Variants in NRF1 observed in about 807,000 individuals in gnomAD.
The protein encoded by NRF1 is alpha palindromic-binding protein.
A neutral mutation model predicts 58.5 loss-of-function variants in NRF1; 5 were observed. The ratio of observed to expected loss-of-function variants is 0.09; its 90% CI spans 0.04 to 0.18. The LOEUF (loss-of-function observed/expected upper bound fraction) is 0.18, where lower values mean the gene tolerates loss of function less well. NRF1 is among the 10% of genes least tolerant of loss of function. NRF1 has a pLI of 1.00. For missense variants in NRF1, 288 were observed against 657.7 expected, an observed-to-expected ratio of 0.44 and a Z score of 6.15; for synonymous variants, 224 against 246.7, an observed-to-expected ratio of 0.91 and a Z score of 0.86.
At chr7:129,696,073 A>AC (rs1315213291) in intron 5 of NRF1, among the ~76,000 whole-genome samples, 2 of 140,762 alleles carry the variant, frequency 1.4e-5, no homozygotes, top group Non-Finnish European at 3.1e-5. Flanking sequence ...AAAAAAAAAA[A>AC]AAAAAAAAAA....
chr7:129,641,189 C>A (rs980779304), intron 1 of NRF1, among the ~76,000 whole-genome samples: 2 of 152,186 alleles, frequency 1.3e-5, no homozygotes, highest in Admixed American at 1.3e-4. Flanking sequence ...GATTTATCAA[C>A]TTTAGATGAT....
intron 8 of NRF1, among the ~76,000 whole-genome samples, chr7:129,715,143 A>G (rs1222207063): frequency 2.0e-5 from 3 of 152,240 alleles, no homozygotes; most frequent in Non-Finnish European, 4.4e-5. Flanking sequence ...CTAAGTCTCT[A>G]AACACAGAGA....
At chr7:129,654,299 C>T (rs1282803721) in intron 1 of NRF1, among the ~76,000 whole-genome samples, 1 of 152,056 alleles carries the variant, frequency 6.6e-6, no homozygotes, top group African/African-American at 2.4e-5. Flanking sequence ...GTGTTTTGCC[C>T]TTTTTTAAAT....
intron 2 of NRF1, among the ~76,000 whole-genome samples, chr7:129,665,934 C>G (rs1406359881): frequency 6.6e-6 from 1 of 152,076 alleles, no homozygotes; most frequent in Non-Finnish European, 1.5e-5. Flanking sequence ...TCTTTTTAAA[C>G]AAAATTGGAT....
At chr7:129,706,166 A>C (rs1802945597) in intron 5 of NRF1, among the ~76,000 whole-genome samples, 1 of 152,152 alleles carries the variant, frequency 6.6e-6, no homozygotes, top group Non-Finnish European at 1.5e-5. Context: ...GGTGGGAATT[A>C]ATGGGAACTG....
chr7:129,636,679 T>G (rs1470626962), intron 1 of NRF1, among the ~76,000 whole-genome samples: 1 of 152,212 alleles, frequency 6.6e-6, no homozygotes. Context: ...TTCTGTCTCT[T>G]TTCAGTTTCG....
chr7:129,619,451 T>A (rs1397977113), intron 1 of NRF1, among the ~76,000 whole-genome samples: 1 of 79,834 alleles, frequency 1.3e-5, no homozygotes, highest in Non-Finnish European at 2.2e-5. Flanking sequence ...CACACACATA[T>A]ATATACACGT....
At chr7:129,715,834 G>A (rs1200470776) in intron 8 of NRF1, among the ~76,000 whole-genome samples, 3 of 152,204 alleles carry the variant, frequency 2.0e-5, no homozygotes, top group Admixed American at 2.0e-4. Flanking sequence ...GAGAAACCCC[G>A]TTTCTACTAA....
intron 9 of NRF1, among the ~76,000 whole-genome samples, chr7:129,717,874 T>C (rs1257560140): frequency 6.6e-6 from 1 of 152,242 alleles, no homozygotes; most frequent in Non-Finnish European, 1.5e-5. Flanking sequence ...CTTCGGATTA[T>C]TGTCCTTTTG....
intron 9 of NRF1, among the ~76,000 whole-genome samples, chr7:129,719,830 A>C (rs1803279755): frequency 5.3e-5 from 8 of 152,002 alleles, no homozygotes; most frequent in Admixed American, 5.2e-4. Flanking sequence ...TCTCCGCCCG[A>C]CTGTAGCTTG....
chr7:129,615,580 G>A (rs980294938), intron 1 of NRF1, among the ~76,000 whole-genome samples: 37 of 152,180 alleles, frequency 2.4e-4, no homozygotes, highest in Admixed American at 2.4e-3. Flanking sequence ...TAAAGCTAGT[G>A]TTTTCAGCCT....
chr7:129,705,691 G>T (rs572257726), intron 5 of NRF1, among the ~76,000 whole-genome samples: 1 of 152,114 alleles, frequency 6.6e-6, no homozygotes. Flanking sequence ...TGAGGCAGGA[G>T]GATTGCTTCA....
chr7:129,625,881 A>C (rs1306700801), intron 1 of NRF1, among the ~76,000 whole-genome samples: 1 of 151,838 alleles, frequency 6.6e-6, no homozygotes, highest in Non-Finnish European at 1.5e-5. Flanking sequence ...ATGGGGTTTC[A>C]CCATGTTAGC....
chr7:129,733,272 C>T (rs1295172273), intron 10 of NRF1, among the ~76,000 whole-genome samples: 1 of 151,920 alleles, frequency 6.6e-6, no homozygotes, highest in Non-Finnish European at 1.5e-5. Context: ...TTGAGACCAT[C>T]CTGGCTAACA....
At chr7:129,736,580 C>T (rs1803718539) in intron 10 of NRF1, among the ~76,000 whole-genome samples, 1 of 151,806 alleles carries the variant, frequency 6.6e-6, no homozygotes, top group Non-Finnish European at 1.5e-5. Context: ...GGTCTATGGA[C>T]CCTGAGAAAT....
intron 9 of NRF1, 42 bp downstream of exon 9, chr7:129,717,418 G>A (rs1803218539): frequency 6.4e-7 from 1 of 1,568,304 alleles, no homozygotes; most frequent in Non-Finnish European, 8.6e-7. Flanking sequence ...TCGCAAATCT[G>A]TCCCTGCAGA....
chr7:129,659,073 C>CTTTTTTTTTTT (rs780109640), intron 2 of NRF1, among the ~76,000 whole-genome samples: 7 of 88,156 alleles, frequency 7.9e-5, no homozygotes, highest in Admixed American at 1.4e-4. Context: ...CACCACAGGA[C>CTTTTTTTTTTT]TTTTTTTTTT....
chr7:129,690,618 T>A, intron 5 of NRF1, 72 bp downstream of exon 5: 1 of 1,542,210 alleles, frequency 6.5e-7, no homozygotes, highest in East Asian at 2.3e-5. Flanking sequence ...TGATCACTTT[T>A]CTGCATTTTG....
intron 10 of NRF1, 112 bp downstream of exon 10, chr7:129,727,477 T>G (rs1803476277): frequency 9.2e-7 from 1 of 1,085,256 alleles, no homozygotes; most frequent in Non-Finnish European, 1.3e-6. Flanking sequence ...TTTTTTTTTC[T>G]TCATTGGTAG....
Sources: allele counts gnomAD v4.1 joint callset (sites outside exome capture counted in the v4.1 genomes callset), GRCh38; gene constraint gnomAD v4.1.1; transcripts MANE v1.5; gene names NCBI Gene and HGNC (gene_info 2026-07-23, HGNC 2026-07-21).